Variants in ZMAT4 observed in about 807,000 individuals in gnomAD.
ZMAT4 encodes the protein zinc finger matrin-type 4, also known as zinc finger matrin-type protein 4.
A neutral mutation model predicts 28.7 loss-of-function variants in ZMAT4; 17 were observed. That is an observed-to-expected ratio of 0.59 (90% confidence interval 0.41 to 0.89). The LOEUF (loss-of-function observed/expected upper bound fraction) is 0.89, where lower values mean the gene tolerates loss of function less well. Ranked by LOEUF, ZMAT4 falls within the 40% of genes least tolerant of loss-of-function variation. ZMAT4 has a pLI of 0.00. For missense variants in ZMAT4, 240 were observed against 283.8 expected (o/e 0.85, Z 1.11); for synonymous variants, 117 against 109.2 (o/e 1.07, Z -0.44).
intron 3 of ZMAT4, among the ~76,000 whole-genome samples, chr8:40,714,997 C>T (rs984288065): frequency 1.4e-5 from 2 of 145,894 alleles, no homozygotes; most frequent in African/African-American, 5.2e-5. Flanking sequence ...TGCAGTGAGC[C>T]GAGATCGCTC....
intron 3 of ZMAT4, among the ~76,000 whole-genome samples, chr8:40,729,085 G>T (rs1253253183): frequency 6.6e-6 from 1 of 152,062 alleles, no homozygotes; most frequent in Admixed American, 6.5e-5. Flanking sequence ...TTGTTCAACC[G>T]TTTTACATTT....
chr8:40,554,261 T>A (rs2118434600), intron 6 of ZMAT4, among the ~76,000 whole-genome samples: 1 of 152,234 alleles, frequency 6.6e-6, no homozygotes, highest in East Asian at 1.9e-4. Context: ...AACCACCACC[T>A]TCAAGATTAC....
chr8:40,876,567 C>A (rs1313397748), intron 1 of ZMAT4, among the ~76,000 whole-genome samples: 2 of 152,194 alleles, frequency 1.3e-5, no homozygotes, highest in East Asian at 1.9e-4. Context: ...CCTACCACCT[C>A]AGCCTCCAAA....
chr8:40,766,280 C>G lies in ZMAT4; in HGVS notation c.192+1361G>C, dbSNP rs1813156476. Among the ~76,000 whole-genome samples the G allele has an allele frequency of 3.3e-5, 5 of 152,336 alleles. No homozygotes were observed. In the South Asian group the frequency reaches 1.0e-3, roughly 32 times the overall value. On this transcript the variant is annotated intron_variant, in intron 3 of 6. Transcript: ENST00000297737. ...TATACAATGTCAATCTCCCATACTA[C>G]ATTATGAATTTCTTTAAGGCAACAC...
At chr8:40,886,546 C>T (rs1175232892) in intron 1 of ZMAT4, among the ~76,000 whole-genome samples, 2 of 152,226 alleles carry the variant, frequency 1.3e-5, no homozygotes, top group East Asian at 3.8e-4. Flanking sequence ...TGACCAAATG[C>T]TTAAACATCT....
At chr8:40,849,483 C>A (rs1817025420) in intron 1 of ZMAT4, among the ~76,000 whole-genome samples, 1 of 152,172 alleles carries the variant, frequency 6.6e-6, no homozygotes, top group African/African-American at 2.4e-5. Flanking sequence ...CTATTTAAAT[C>A]TCTTGGGTCC....
chr8:40,897,803 C>A lies in ZMAT4; in HGVS notation c.-125G>T, dbSNP rs1818931548. 1 of 152,258 alleles carries A rather than the reference C, an allele frequency of 6.6e-6. No individual in the cohort carries two copies. 9.4% of individuals were successfully genotyped at this position (152,258 alleles called of 1,614,324 possible). A position where few individuals can be genotyped will look rare whatever the true frequency, so the allele number is the denominator to read the frequency against. On this transcript the variant is annotated 5_prime_UTR_variant, in exon 1 of 7. The change creates a new upstream start codon in the 5' untranslated region. Transcript: ENST00000297737. ...CACGTTCCTGTCTCTGCGACCAGAC[C>A]TTTCGGCAGCTCGGACCAACTGTGC...
chr8:40,576,817 T>A (rs1804282384), intron 6 of ZMAT4, among the ~76,000 whole-genome samples: 1 of 152,030 alleles, frequency 6.6e-6, no homozygotes, highest in African/African-American at 2.4e-5. Context: ...AAACAATAAA[T>A]CCAAAACCTA....
intron 5 of ZMAT4, among the ~76,000 whole-genome samples, chr8:40,589,741 T>TTTCTTTCTTTCTTTCC (rs1420043688): frequency 2.0e-5 from 3 of 147,448 alleles, no homozygotes; most frequent in African/African-American, 5.0e-5. Context: ...CCTTTCTTTC[T>TTTCTTTCTTTCTTTCC]TTCTTTCTTT....
intron 1 of ZMAT4, among the ~76,000 whole-genome samples, chr8:40,856,159 G>A (rs899082930): frequency 1.2e-4 from 19 of 152,166 alleles, no homozygotes; most frequent in Admixed American, 2.6e-4. Flanking sequence ...ACTGATCTCT[G>A]CATTTGTGTT....
At chr8:40,651,359 G>C (rs1019130363) in intron 5 of ZMAT4, among the ~76,000 whole-genome samples, 4 of 152,072 alleles carry the variant, frequency 2.6e-5, no homozygotes, top group South Asian at 4.1e-4. Context: ...ACCTAGGAAT[G>C]CAACTTACAA....
At chr8:40,663,933 T>C (rs1016431189) in intron 5 of ZMAT4, among the ~76,000 whole-genome samples, 3 of 152,314 alleles carry the variant, frequency 2.0e-5, no homozygotes, top group African/African-American at 7.2e-5. Context: ...GTAATCAAAG[T>C]ACATATTATT....
intron 1 of ZMAT4, among the ~76,000 whole-genome samples, chr8:40,893,108 C>T (rs893566563): frequency 1.3e-5 from 2 of 152,194 alleles, no homozygotes; most frequent in African/African-American, 2.4e-5. Flanking sequence ...AACAGCTGGT[C>T]GCCATCCTCC....
intron 5 of ZMAT4, among the ~76,000 whole-genome samples, chr8:40,618,475 G>C (rs926305916): frequency 6.6e-6 from 1 of 152,052 alleles, no homozygotes; most frequent in Non-Finnish European, 1.5e-5. Context: ...AAAATACAAC[G>C]GTGGTTTCAA....
chr8:40,685,279 G>T lies in ZMAT4; in HGVS notation c.350-10348C>A, dbSNP rs188896759. On this transcript the variant is annotated intron_variant, in intron 4 of 6. Transcript: ENST00000297737. ...AGAGTATTAAATGTAAAAGCAAGAA[G>T]GTACCCTAGTCCCTGAGGGCTTGAA... Among the ~76,000 whole-genome samples, 449 of 152,154 alleles carry T rather than the reference G, an allele frequency of 3.0e-3. 1 individual carries two copies. Among genetic ancestry groups the T allele is most frequent in the African/African-American group, 0.01 (432 of 41,512 alleles).
chr8:40,847,474 A>G (rs1238718478), intron 1 of ZMAT4, among the ~76,000 whole-genome samples: 1 of 152,192 alleles, frequency 6.6e-6, no homozygotes, highest in Non-Finnish European at 1.5e-5. Context: ...GCTGTTTCCC[A>G]AAGCAACTTA....
At chr8:40,556,941 A>T (rs542558914) in intron 6 of ZMAT4, among the ~76,000 whole-genome samples, 3 of 152,210 alleles carry the variant, frequency 2.0e-5, no homozygotes, top group African/African-American at 7.2e-5. Flanking sequence ...GTTTTATCTA[A>T]CTGGATGTTA....
chr8:40,684,902 GA>G (rs1285023061), intron 4 of ZMAT4, among the ~76,000 whole-genome samples: 14 of 151,744 alleles, frequency 9.2e-5, no homozygotes, highest in Admixed American at 5.9e-4. Flanking sequence ...CCCCACCCCT[GA>G]AAAAAGGGAC....
intron 3 of ZMAT4, among the ~76,000 whole-genome samples, chr8:40,728,487 G>A (rs1469227973): frequency 6.6e-6 from 1 of 152,174 alleles, no homozygotes; most frequent in African/African-American, 2.4e-5. Context: ...GTGATGCTTT[G>A]TTGTGGAGGG....
Sources: allele counts gnomAD v4.1 joint callset (sites outside exome capture counted in the v4.1 genomes callset), GRCh38; gene constraint gnomAD v4.1.1; transcripts MANE v1.5; gene names NCBI Gene and HGNC (gene_info 2026-07-23, HGNC 2026-07-21).